Variants in ZFPM1 observed in about 807,000 individuals in gnomAD.
ZFPM1 encodes the protein zinc finger protein ZFPM1.
A neutral mutation model predicts 46.3 loss-of-function variants in ZFPM1; 28 were observed. That is an observed-to-expected ratio of 0.60 (90% CI 0.45 to 0.83). ZFPM1 has a LOEUF of 0.83. Ranked by LOEUF, ZFPM1 falls within the 40% of genes least tolerant of loss-of-function variation. ZFPM1 has a pLI of 0.00. For synonymous variants in ZFPM1, 957 were observed against 675.9 expected (o/e 1.42, Z -6.45); for missense variants, 1,878 against 1,432.4 (o/e 1.31, Z -5.02).
chr16:88,455,918 C>T (rs571175224), intron 1 of ZFPM1, among the ~76,000 whole-genome samples: 6 of 152,334 alleles, frequency 3.9e-5, no homozygotes, highest in African/African-American at 1.4e-4. Flanking sequence ...TTTCCTCCCG[C>T]CCGAGTCGAT....
At position 88,534,543 on chromosome 16, in the gene ZFPM1, A is replaced by G; in HGVS notation, c.2585A>G (p.Asn862Ser). 1 of 1,378,624 alleles carries G rather than the reference A, an allele frequency of 7.3e-7. No individual in the cohort carries two copies. Among genetic ancestry groups the G allele is most frequent in the Non-Finnish European group, 9.4e-7 (1 of 1,068,748 alleles). The allele number at this position is 1,378,624 out of a possible 1,614,324, so 85.4% of individuals were successfully genotyped here. A position where few individuals can be genotyped will look rare whatever the true frequency, so the allele number is the denominator to read the frequency against. Residue 862 changes from asparagine (N) to serine (S), a missense_variant, in exon 10 of 10, where the codon AAC becomes AGC. Transcript: ENST00000319555. ...PAAACPYCPP[N>S]GPVRGDLLEH... Reference sequence around the variant, plus strand: ...GCCGCCTGCCCCTACTGCCCCCCGAACGGCCCGGTGCGCGGGGACCTGCTG... The same window carrying G: ...GCCGCCTGCCCCTACTGCCCCCCGAGCGGCCCGGTGCGCGGGGACCTGCTG...
intron 1 of ZFPM1, among the ~76,000 whole-genome samples, chr16:88,456,493 C>T (rs550719721): frequency 2.0e-5 from 3 of 152,228 alleles, no homozygotes; most frequent in African/African-American, 7.2e-5. Flanking sequence ...CTGGGCTGAG[C>T]ACTGTTTGCT....
At chr16:88,525,916 G>T (rs1051076098) in intron 4 of ZFPM1, among the ~76,000 whole-genome samples, 1 of 152,232 alleles carries the variant, frequency 6.6e-6, no homozygotes, top group African/African-American at 2.4e-5. Context: ...TTTCCTTCCA[G>T]ACTTAGCCTG....
intron 3 of ZFPM1, among the ~76,000 whole-genome samples, chr16:88,504,657 C>A (rs1029425529): frequency 1.3e-5 from 2 of 152,182 alleles, no homozygotes; most frequent in African/African-American, 2.4e-5. Flanking sequence ...ACATGGCCCC[C>A]CTGTGTACCG....
chr16:88,506,196 G>A (rs1910647448), intron 3 of ZFPM1, among the ~76,000 whole-genome samples: 1 of 151,862 alleles, frequency 6.6e-6, no homozygotes, highest in Non-Finnish European at 1.5e-5. Context: ...GGAGACCAGG[G>A]CAGGAGGTGG....
At chr16:88,524,398 G>A (rs938808744) in intron 4 of ZFPM1, among the ~76,000 whole-genome samples, 4 of 152,184 alleles carry the variant, frequency 2.6e-5, no homozygotes, top group Non-Finnish European at 4.4e-5. Flanking sequence ...GAGCCCCACA[G>A]CTGGCGTGCA....
chr16:88,517,184 G>A (rs1317918956), intron 4 of ZFPM1, among the ~76,000 whole-genome samples: 2 of 12,728 alleles, frequency 1.6e-4, no homozygotes, highest in East Asian at 1.5e-3. Flanking sequence ...ATGGGTAGAT[G>A]GATGGATGGA....
intron 4 of ZFPM1, chr16:88,516,623 C>A (rs1323441518): frequency 1.5e-5 from 6 of 398,574 alleles, no homozygotes; most frequent in Non-Finnish European, 2.2e-5. Context: ...TTGATTTCTT[C>A]AAGATATGCA....
intron 4 of ZFPM1, chr16:88,516,586 A>G: frequency 2.5e-6 from 1 of 398,638 alleles, no homozygotes; most frequent in Non-Finnish European, 4.4e-6. Flanking sequence ...CTTGGCGCCG[A>G]GTGTCCAGAC....
At chr16:88,492,123 CCCTT>C (rs1429680004) in intron 3 of ZFPM1, among the ~76,000 whole-genome samples, 1 of 152,018 alleles carries the variant, frequency 6.6e-6, no homozygotes, top group Non-Finnish European at 1.5e-5. Context: ...CTCCCTCTCT[CCCTT>C]CCTCTCTCCC....
At chr16:88,518,418 T>TGATGGGTG (rs56317440) in intron 4 of ZFPM1, among the ~76,000 whole-genome samples, 2 of 149,838 alleles carry the variant, frequency 1.3e-5, no homozygotes, top group Admixed American at 6.6e-5. Flanking sequence ...GATGGATGGA[T>TGATGGGTG]GATGGGTGGA....
intron 3 of ZFPM1, among the ~76,000 whole-genome samples, chr16:88,495,883 G>C (rs1319365117): frequency 1.3e-5 from 2 of 152,192 alleles, no homozygotes; most frequent in Non-Finnish European, 2.9e-5. Context: ...GCCATGGGGA[G>C]GGGGGCATGC....
intron 3 of ZFPM1, among the ~76,000 whole-genome samples, chr16:88,500,652 G>A (rs576437499): frequency 5.3e-5 from 8 of 152,060 alleles, no homozygotes; most frequent in South Asian, 4.2e-4. Context: ...CTGGCACAAC[G>A]GCAGACTCAG....
chr16:88,498,361 C>T (rs1910060049), intron 3 of ZFPM1, among the ~76,000 whole-genome samples: 1 of 152,198 alleles, frequency 6.6e-6, no homozygotes. Flanking sequence ...GCTGGATAGA[C>T]AGGGATGGGC....
chr16:88,533,921 G>C lies in ZFPM1; in HGVS notation c.1963G>C (p.Glu655Gln). 2 of 1,210,010 alleles carry C rather than the reference G, an allele frequency of 1.7e-6. No homozygotes were observed. The highest frequency in any genetic ancestry group is 2.1e-6 in the Non-Finnish European group (2 of 955,354). The allele number at this position is 1,210,010 out of a possible 1,614,324, so 75.0% of individuals were successfully genotyped here. The change falls in exon 10 of 10, where the codon GAG becomes CAG. Residue 655 changes from glutamate to glutamine, a missense_variant. Coordinates refer to ENST00000319555, the MANE Select transcript of ZFPM1 (RefSeq NM_153813.3). ...EEGAGGAATPEDGAGGRGSEG... is the reference protein window; with the variant it reads ...EEGAGGAATPQDGAGGRGSEG... ...GGGGGCTGGGGGCGCGGCCACGCCC[G>C]AGGACGGCGCGGGCGGCCGGGGCAG...
chr16:88,463,738 C>T (rs983444913), intron 1 of ZFPM1, among the ~76,000 whole-genome samples: 69 of 152,328 alleles, frequency 4.5e-4, no homozygotes, highest in Admixed American at 4.4e-3. Context: ...CATAGGAGAC[C>T]TTTCCCTGCT....
Position 88,461,177 on chromosome 16 carries a change from G to C in ZFPM1, c.40+7499G>C, listed in dbSNP as rs1446424805. Reference sequence around the variant, plus strand: ...AGGGGCGGGAGACCTGGTGAGGACCGAGGGGCGGGGCGGGAGGCCTGGTGA... The same window carrying C: ...AGGGGCGGGAGACCTGGTGAGGACCCAGGGGCGGGGCGGGAGGCCTGGTGA... On this transcript the variant is annotated intron_variant, in intron 1 of 9. Coordinates refer to ENST00000319555, the MANE Select transcript of ZFPM1 (RefSeq NM_153813.3). Among the ~76,000 whole-genome samples, 752 of 113,976 alleles carry C rather than the reference G, an allele frequency of 6.6e-3. 43 individuals carry two copies. The highest frequency in any genetic ancestry group is 9.0e-3 in the Non-Finnish European group (527 of 58,642). The allele number at this position is 113,976 out of a possible 152,430, so 74.8% of individuals were successfully genotyped here. A position where few individuals can be genotyped will look rare whatever the true frequency, so the allele number is the denominator to read the frequency against.
chr16:88,467,143 G>A (rs1025966608), intron 1 of ZFPM1, among the ~76,000 whole-genome samples: 1 of 152,082 alleles, frequency 6.6e-6, no homozygotes, highest in South Asian at 2.1e-4. Context: ...CTAGGGCCTC[G>A]TCCCATCACA....
chr16:88,507,286 C>G (rs145094306), intron 3 of ZFPM1, among the ~76,000 whole-genome samples: 1 of 152,314 alleles, frequency 6.6e-6, no homozygotes, highest in East Asian at 1.9e-4. Flanking sequence ...CCCCCGAGCT[C>G]TTGGCCTCAC....
Sources: gnomAD v4.1 joint callset for allele counts (sites outside exome capture counted in the v4.1 genomes callset) on GRCh38, gnomAD v4.1.1 for gene constraint, MANE v1.5 for transcripts, NCBI Gene and HGNC (gene_info 2026-07-23, HGNC 2026-07-21) for gene names.